Variants in ASIC2 observed in about 807,000 individuals in gnomAD.
The protein encoded by ASIC2 is acid-sensing ion channel 2.
In ASIC2, 25 loss-of-function variants were observed where a neutral mutation model predicts 57.3. The ratio of observed to expected loss-of-function variants is 0.44; its 90% CI spans 0.32 to 0.61. The LOEUF (loss-of-function observed/expected upper bound fraction) is 0.61. Among genes scored for constraint, ASIC2 ranks in the 20% least tolerant of loss-of-function variants. ASIC2 has a pLI of 0.06. For missense variants in ASIC2, 641 were observed against 738.1 expected (o/e 0.87, Z 1.52); for synonymous variants, 319 against 307.5 (o/e 1.04, Z -0.39).
At chr17:33,087,781 A>G (rs1029334838) in intron 3 of ASIC2, among the ~76,000 whole-genome samples, 2 of 151,664 alleles carry the variant, frequency 1.3e-5, no homozygotes, top group African/African-American at 4.8e-5. Flanking sequence ...CTGGTCTTGA[A>G]TTTCTGGGCT....
At chr17:33,017,831 G>T in intron 7 of ASIC2, 147 bp from the exon 8 acceptor site, 1 of 678,114 alleles carries the variant, frequency 1.5e-6, no homozygotes, top group Non-Finnish European at 2.5e-6. Context: ...GCCTTTGGCA[G>T]TTCCTTCCCT....
chr17:33,085,589 C>A (rs1027728811), intron 3 of ASIC2, among the ~76,000 whole-genome samples: 3 of 152,216 alleles, frequency 2.0e-5, no homozygotes, highest in Admixed American at 6.5e-5. Flanking sequence ...GAGACTGCGT[C>A]TCTTTTGTTT....
intron 1 of ASIC2, among the ~76,000 whole-genome samples, chr17:33,595,149 C>T (rs1009624244): frequency 3.3e-5 from 5 of 152,038 alleles, no homozygotes; most frequent in Admixed American, 2.6e-4. Context: ...TTGCTAGAGC[C>T]CTGTAAGTTG....
chr17:33,112,000 G>A lies in ASIC2; in HGVS notation c.776C>T (p.Thr259Met), dbSNP rs926373354. The change falls in exon 2 of 10, where the codon ACG (threonine) becomes ATG (methionine). Residue 259 changes from threonine (T) to methionine (M), a missense_variant. Around this residue, in one of 3 missense-constraint regions of ASIC2, gnomAD observed 382 missense variants for 398.0 expected, o/e 0.96. Transcript: ENST00000225823. ...SGEDGKPLLTTVKGGTGNGLE... is the reference protein window; with the variant it reads ...SGEDGKPLLTMVKGGTGNGLE... ...CCCGTTGCCTGTCCCCCCCTTGACCGTGGTGAGCAGAGGTTTGCCATCCTC... is the reference window on the plus strand; with the variant it reads ...CCCGTTGCCTGTCCCCCCCTTGACCATGGTGAGCAGAGGTTTGCCATCCTC... 13 of 1,614,004 alleles carry A rather than the reference G, an allele frequency of 8.1e-6. No individual in the cohort carries two copies. Among genetic ancestry groups the A allele is most frequent in the African/African-American group, 1.3e-5 (1 of 75,010 alleles).
intron 1 of ASIC2, among the ~76,000 whole-genome samples, chr17:33,636,562 A>G (rs1316801691): frequency 6.6e-6 from 1 of 152,164 alleles, no homozygotes; most frequent in Non-Finnish European, 1.5e-5. Context: ...TATCATCTCC[A>G]TACGGCTGCC....
chr17:33,366,325 G>A (rs962776525), intron 1 of ASIC2, among the ~76,000 whole-genome samples: 2 of 152,196 alleles, frequency 1.3e-5, no homozygotes, highest in African/African-American at 4.8e-5. Flanking sequence ...GTTCTTCACT[G>A]TCTTTCTCTC....
intron 3 of ASIC2, among the ~76,000 whole-genome samples, chr17:33,057,702 G>T (rs969836851): frequency 1.3e-5 from 2 of 152,220 alleles, no homozygotes; most frequent in Non-Finnish European, 2.9e-5. Context: ...AAACCCCGTG[G>T]AATGGTTCTG....
chr17:33,613,664 G>T (rs1247650593), intron 1 of ASIC2, among the ~76,000 whole-genome samples: 2 of 152,084 alleles, frequency 1.3e-5, no homozygotes, highest in Non-Finnish European at 2.9e-5. Flanking sequence ...ACCGCGCCTG[G>T]CCCACATGTA....
Position 34,039,543 on chromosome 17 carries a change from G to A in ASIC2, c.555+116435C>T, listed in dbSNP as rs1306722873. 35 of 1,613,808 alleles carry A rather than the reference G, an allele frequency of 2.2e-5. No individual in the cohort carries two copies. In the Admixed American group the frequency reaches 5.7e-4, roughly 26 times the overall value. ...GATTGGATAAGGAATGTTGCAGTGA[G>A]GATCGTGCAACTGGTGGAACACTTC... On this transcript the variant is annotated intron_variant, in intron 1 of 9. Coordinates refer to the ASIC2 transcript ENST00000359872.
At chr17:33,960,790 C>G (rs892670555) in intron 1 of ASIC2, among the ~76,000 whole-genome samples, 1 of 152,214 alleles carries the variant, frequency 6.6e-6, no homozygotes, top group Non-Finnish European at 1.5e-5. Flanking sequence ...ACTGCCAGGG[C>G]TCCACAGCAG....
chr17:33,729,007 T>C (rs941872160), intron 1 of ASIC2, among the ~76,000 whole-genome samples: 1 of 152,164 alleles, frequency 6.6e-6, no homozygotes, highest in Non-Finnish European at 1.5e-5. Flanking sequence ...TTCAAGTTCA[T>C]TGGTCTCAAT....
chr17:33,925,961 C>CT (rs1324372324), intron 1 of ASIC2, among the ~76,000 whole-genome samples: 3 of 152,116 alleles, frequency 2.0e-5, no homozygotes, highest in African/African-American at 7.2e-5. Flanking sequence ...AATGACAAGA[C>CT]TTTTTTTAGA....
At chr17:33,627,389 C>G (rs920196269) in intron 1 of ASIC2, 1 of 152,196 alleles carries the variant, frequency 6.6e-6, no homozygotes, top group African/African-American at 2.4e-5. Context: ...TGCCCTGCAC[C>G]CTGGTGCCAC....
intron 1 of ASIC2, among the ~76,000 whole-genome samples, chr17:34,013,909 G>A (rs73986807): frequency 0.021 from 3,124 of 152,252 alleles, 112 homozygotes; most frequent in African/African-American, 0.07. Flanking sequence ...GATAGATAAG[G>A]GGTATGGGAT....
rs765688526 is a variant in ASIC2, at chr17:34,047,506, C to CAAAAAAAAAAAAAAAAAA, written c.555+108471_555+108472insTTTTTTTTTTTTTTTTTT. 2.9e-5 allele frequency among the ~76,000 whole-genome samples: 2 copies of CAAAAAAAAAAAAAAAAAA among 68,314 alleles called. 1 individual carries two copies. 44.8% of individuals were successfully genotyped at this position (68,314 alleles called of 152,430 possible). A position where few individuals can be genotyped will look rare whatever the true frequency, so the allele number is the denominator to read the frequency against. On this transcript the variant is annotated intron_variant, in intron 1 of 9. Coordinates refer to the ASIC2 transcript ENST00000359872. ...TCTTAACATGATGTACACCTTTCTC[C>CAAAAAAAAAAAAAAAAAA]AGAAAAAAAAAAAAAAAAAAAAAAA...
At chr17:33,828,205 C>A (rs920352145) in intron 1 of ASIC2, 2 of 152,086 alleles carry the variant, frequency 1.3e-5, no homozygotes, top group African/African-American at 2.4e-5. Context: ...TGTCTTTATA[C>A]CCAAAGGATT....
intron 1 of ASIC2, among the ~76,000 whole-genome samples, chr17:33,359,605 A>C (rs1416208543): frequency 6.6e-6 from 1 of 152,222 alleles, no homozygotes; most frequent in Non-Finnish European, 1.5e-5. Context: ...TCATCCATGC[A>C]CCAAAAACTT....
At chr17:33,019,593 G>A (rs1215727243) in intron 7 of ASIC2, among the ~76,000 whole-genome samples, 1 of 152,008 alleles carries the variant, frequency 6.6e-6, no homozygotes, top group Non-Finnish European at 1.5e-5. Flanking sequence ...AGGGCCGTGC[G>A]GTGCTGAGAG....
Position 33,565,521 on chromosome 17 carries a change from G to A in ASIC2, c.556-453454C>T, listed in dbSNP as rs114283328. On this transcript the variant is annotated intron_variant, in intron 1 of 9. Coordinates refer to the ASIC2 transcript ENST00000359872. Reference sequence around the variant, plus strand: ...CCAGAACAGTCCTTAGAGGTAAAGTGGACACTTCATCTGCCTTACCAGTGC... The same window carrying A: ...CCAGAACAGTCCTTAGAGGTAAAGTAGACACTTCATCTGCCTTACCAGTGC... Among the ~76,000 whole-genome samples the A allele has an allele frequency of 3.1e-3, 466 of 152,222 alleles. 2 individuals are homozygous for A. The highest frequency in any genetic ancestry group is 0.011 in the African/African-American group (438 of 41,536).
Sources: gnomAD v4.1 joint callset for allele counts (sites outside exome capture counted in the v4.1 genomes callset) on GRCh38, gnomAD v4.1.1 for gene constraint, gnomAD v4.1.1 regional missense constraint, MANE v1.5 for transcripts, NCBI Gene and HGNC (gene_info 2026-07-23, HGNC 2026-07-21) for gene names.